Variants in PRKCA observed in about 807,000 individuals in gnomAD.
PRKCA encodes protein kinase C alpha, also known as protein kinase C alpha type.
PRKCA carries 27 observed loss-of-function variants against 87.0 expected under a neutral mutation model. The observed-to-expected ratio is 0.31, with a 90% confidence interval of 0.23 to 0.43. The LOEUF (loss-of-function observed/expected upper bound fraction) is 0.43, where lower values mean the gene tolerates loss of function less well. Among genes scored for constraint, PRKCA ranks in the 20% least tolerant of loss-of-function variants. The pLI is 1.00. For missense variants in PRKCA, 518 were observed against 852.3 expected (o/e 0.61, Z 4.88); for synonymous variants, 329 against 311.1 (o/e 1.06, Z -0.61).
chr17:66,383,421 A>G (rs546158934), intron 2 of PRKCA, among the ~76,000 whole-genome samples: 31 of 152,142 alleles, frequency 2.0e-4, no homozygotes, highest in Admixed American at 2.0e-3. Context: ...GGCTAAGTCA[A>G]TGGGCAAAAA....
At chr17:66,507,022 A>G (rs1917009488) in intron 3 of PRKCA, among the ~76,000 whole-genome samples, 1 of 152,166 alleles carries the variant, frequency 6.6e-6, no homozygotes, top group Non-Finnish European at 1.5e-5. Flanking sequence ...GATACCATGT[A>G]TTTAGCGTCT....
At chr17:66,466,377 G>T (rs3848427) in intron 2 of PRKCA, among the ~76,000 whole-genome samples, 21,899 of 152,142 alleles carry the variant, frequency 0.14, 1,860 homozygotes, top group East Asian at 0.26. Context: ...GGAGCCCTGC[G>T]TTTGAGGCCA....
chr17:66,732,609 C>A lies in PRKCA; in HGVS notation c.919-79C>A, dbSNP rs910676131. Reference sequence around the variant, plus strand: ...CCCACCTCCAAGCAAACATTAAACTCAGTTACAACACGGTGGTTTCTGTCA... The same window carrying A: ...CCCACCTCCAAGCAAACATTAAACTAAGTTACAACACGGTGGTTTCTGTCA... On this transcript the variant is annotated intron_variant, in intron 8 of 16. Coordinates refer to ENST00000413366, the MANE Select transcript of PRKCA (RefSeq NM_002737.3). The A allele has an allele frequency of 9.6e-6, 15 of 1,565,188 alleles. No individual in the cohort carries two copies. In the African/African-American group the frequency reaches 1.9e-4, roughly 20 times the overall value.
At chr17:66,376,737 C>T (rs888976608) in intron 2 of PRKCA, among the ~76,000 whole-genome samples, 3 of 152,118 alleles carry the variant, frequency 2.0e-5, no homozygotes, top group Non-Finnish European at 4.4e-5. Context: ...ATATGCATAT[C>T]TGGGGAGCCG....
chr17:66,695,915 G>T (rs1193911961), intron 8 of PRKCA, among the ~76,000 whole-genome samples: 1 of 152,216 alleles, frequency 6.6e-6, no homozygotes, highest in Non-Finnish European at 1.5e-5. Context: ...TATTTAAATT[G>T]CAATGTCCCT....
chr17:66,416,590 A>G (rs561686461), intron 2 of PRKCA: 1 of 152,318 alleles, frequency 6.6e-6, no homozygotes, highest in South Asian at 2.1e-4. Flanking sequence ...GGCATTTTAC[A>G]TAGATGAGTT....
intron 13 of PRKCA, among the ~76,000 whole-genome samples, chr17:66,771,832 T>C (rs1216624643): frequency 2.0e-5 from 3 of 152,198 alleles, no homozygotes; most frequent in Non-Finnish European, 2.9e-5. Context: ...TTGACCCTCA[T>C]GATCCACCCG....
intron 2 of PRKCA, among the ~76,000 whole-genome samples, chr17:66,432,355 C>T (rs145781381): frequency 1.3e-3 from 205 of 152,264 alleles, no homozygotes; most frequent in African/African-American, 4.8e-3. Flanking sequence ...CTGGTAGTTT[C>T]TTGTTACCAT....
chr17:66,738,713 GC>G, intron 10 of PRKCA, 50 bp from the exon 11 acceptor site: 1 of 1,458,882 alleles, frequency 6.9e-7, no homozygotes, highest in Non-Finnish European at 9.6e-7. Context: ...AGCAAAGGAA[GC>G]CACTTGGCTG....
At chr17:66,461,961 G>GGGGTTC (rs1914875055) in intron 2 of PRKCA, among the ~76,000 whole-genome samples, 1 of 152,004 alleles carries the variant, frequency 6.6e-6, no homozygotes, top group African/African-American at 2.4e-5. Context: ...TACCGAGCAT[G>GGGGTTC]CTTCTATGGG....
intron 2 of PRKCA, among the ~76,000 whole-genome samples, chr17:66,327,240 G>T (rs528456800): frequency 6.6e-6 from 1 of 151,592 alleles, no homozygotes; most frequent in African/African-American, 2.4e-5. Context: ...GGTGGTGGGC[G>T]CCTGTAGTCC....
intron 8 of PRKCA, among the ~76,000 whole-genome samples, chr17:66,719,549 T>G (rs1973561407): frequency 6.6e-6 from 1 of 152,222 alleles, no homozygotes; most frequent in South Asian, 2.1e-4. Flanking sequence ...GGTGGATCAC[T>G]TGAGGTCAGG....
intron 3 of PRKCA, among the ~76,000 whole-genome samples, chr17:66,577,841 G>C (rs1215779866): frequency 6.6e-6 from 1 of 152,172 alleles, no homozygotes; most frequent in East Asian, 1.9e-4. Context: ...GGGGTAGTGG[G>C]GGGTAGGGAG....
Position 66,580,693 on chromosome 17 carries a change from C to T in PRKCA, c.289-60662C>T, listed in dbSNP as rs145172729. ...GTCAGTGTGCGGTAAAGTGGGTTTT[C>T]GCCAACTAAACACACTTATGATCAA... On this transcript the variant is annotated intron_variant, in intron 3 of 16. Coordinates refer to ENST00000413366, the MANE Select transcript of PRKCA (RefSeq NM_002737.3). 5.6e-3 allele frequency among the ~76,000 whole-genome samples: 854 copies of T among 152,228 alleles called. 2 individuals are homozygous for T. The highest frequency in any genetic ancestry group is 0.017 in the Middle Eastern group (5 of 294).
Position 66,550,105 on chromosome 17 carries a change from C to T in PRKCA, c.288+53822C>T, listed in dbSNP as rs556506063. On this transcript the variant is annotated intron_variant, in intron 3 of 16. Coordinates refer to ENST00000413366, the MANE Select transcript of PRKCA (RefSeq NM_002737.3). ...TATACTTCCCAGTGTCTCACACACA[C>T]GCAGACTTGCTTTTCTGACACGTGC... Among the ~76,000 whole-genome samples the T allele has an allele frequency of 1.8e-4, 27 of 152,260 alleles. No homozygotes were observed. The South Asian group carries it at 4.0e-3, about 22-fold the overall frequency.
chr17:66,756,240 A>G (rs9891605), intron 13 of PRKCA, among the ~76,000 whole-genome samples: 12,024 of 152,148 alleles, frequency 0.079, 524 homozygotes, highest in African/African-American at 0.11. Flanking sequence ...CCCTCAGGAG[A>G]CGCTAATGTG....
intron 3 of PRKCA, among the ~76,000 whole-genome samples, chr17:66,621,782 G>A (rs1041004330): frequency 2.2e-4 from 33 of 152,210 alleles, no homozygotes; most frequent in African/African-American, 7.9e-4. Flanking sequence ...ATCAGAAAGA[G>A]CTCATTTGAA....
At chr17:66,678,527 C>A (rs953629573) in intron 5 of PRKCA, among the ~76,000 whole-genome samples, 2 of 152,178 alleles carry the variant, frequency 1.3e-5, no homozygotes, top group Non-Finnish European at 2.9e-5. Context: ...GCAGTGTGAG[C>A]TTTAGCATAC....
chr17:66,690,049 CT>C (rs1280185022), intron 8 of PRKCA, among the ~76,000 whole-genome samples: 2 of 151,758 alleles, frequency 1.3e-5, no homozygotes, highest in Non-Finnish European at 2.9e-5. Flanking sequence ...ACATACAGAT[CT>C]GGGGGGTGGG....
Sources: gnomAD v4.1 joint callset for allele counts (sites outside exome capture counted in the v4.1 genomes callset) on GRCh38, gnomAD v4.1.1 for gene constraint, MANE v1.5 for transcripts, NCBI Gene and HGNC (gene_info 2026-07-23, HGNC 2026-07-21) for gene names.